LTBP1: variants seen among roughly 807,000 people sequenced by gnomAD.
LTBP1 encodes the protein latent-transforming growth factor beta-binding protein 1.
In LTBP1, 129 loss-of-function variants were observed where a neutral mutation model predicts 207.6. The ratio of observed to expected loss-of-function variants is 0.62; its 90% confidence interval spans 0.54 to 0.72. The LOEUF is 0.72. Ranked by LOEUF, LTBP1 falls within the 30% of genes least tolerant of loss-of-function variation. LTBP1 has a pLI of 0.00. For missense variants in LTBP1, 2,281 were observed against 2,217.2 expected (o/e 1.03, Z -0.58); for synonymous variants, 963 against 833.7 (o/e 1.16, Z -2.67).
chr2:33,135,733 G>A (rs1385610244), intron 5 of LTBP1, among the ~76,000 whole-genome samples: 3 of 152,184 alleles, frequency 2.0e-5, no homozygotes, highest in African/African-American at 4.8e-5. Context: ...TGTGGTCCAC[G>A]GAATGCTGTC....
chr2:33,275,706 A>T, intron 17 of LTBP1, 95 bp from the exon 18 acceptor site: 1 of 1,453,646 alleles, frequency 6.9e-7, no homozygotes, highest in Non-Finnish European at 9.6e-7. Context: ...GAAATCAGTT[A>T]CTTCGTTATT....
chr2:33,212,089 TTGTAAA>T (rs1313553400), intron 7 of LTBP1, among the ~76,000 whole-genome samples: 2 of 152,226 alleles, frequency 1.3e-5, no homozygotes, highest in African/African-American at 2.4e-5. Flanking sequence ...TAATTTTGTG[TTGTAAA>T]TGTAGTAACA....
rs1205668532 is a variant in LTBP1, at chr2:33,228,695, CCCTTT to C, written c.1876+6545_1876+6549del. On this transcript the variant is annotated intron_variant, in intron 9 of 33. Coordinates refer to ENST00000404816, the MANE Select transcript of LTBP1 (RefSeq NM_206943.4). ...GTTAATAAGCCCAACCAGGGTTATACCCTTTTTTTTTTTTTTTTTTTTTGAGATGG... is the reference window on the plus strand; with the variant it reads ...GTTAATAAGCCCAACCAGGGTTATACTTTTTTTTTTTTTTTTTTGAGATGG... 1.3e-4 allele frequency among the ~76,000 whole-genome samples: 8 copies of C among 60,696 alleles called. 2 individuals carry two copies. Among genetic ancestry groups the C allele is most frequent in the East Asian group, 6.8e-4 (2 of 2,962 alleles). The allele number at this position is 60,696 out of a possible 152,430, so 39.8% of individuals were successfully genotyped here.
chr2:33,332,156 AT>A (rs1293635159), intron 24 of LTBP1, among the ~76,000 whole-genome samples: 2 of 152,068 alleles, frequency 1.3e-5, no homozygotes, highest in African/African-American at 4.8e-5. Flanking sequence ...TGGAATATAT[AT>A]TTATACACAA....
At chr2:33,388,194 A>G (rs775482608) in intron 31 of LTBP1, among the ~76,000 whole-genome samples, 11 of 152,250 alleles carry the variant, frequency 7.2e-5, no homozygotes, top group Non-Finnish European at 1.0e-4. Context: ...AATCCTGTGC[A>G]CTGGTGGGTC....
At chr2:33,068,548 C>G (rs1324482619) in intron 3 of LTBP1, among the ~76,000 whole-genome samples, 2 of 152,146 alleles carry the variant, frequency 1.3e-5, no homozygotes, top group African/African-American at 4.8e-5. Flanking sequence ...TTACAGCATC[C>G]TACAGAGTAT....
chr2:33,353,019 C>G (rs1236297079), intron 26 of LTBP1, among the ~76,000 whole-genome samples: 1 of 134,496 alleles, frequency 7.4e-6, no homozygotes, highest in Non-Finnish European at 1.5e-5. Context: ...TGCTCCATTG[C>G]GCAGGCTGGA....
At chr2:32,955,428 G>T (rs1677919461) in intron 2 of LTBP1, among the ~76,000 whole-genome samples, 1 of 152,102 alleles carries the variant, frequency 6.6e-6, no homozygotes, top group Admixed American at 6.5e-5. Context: ...TATGTAGAGT[G>T]CCTTTTAAAA....
chr2:32,985,671 T>G (rs998954946), intron 2 of LTBP1, among the ~76,000 whole-genome samples: 1 of 152,172 alleles, frequency 6.6e-6, no homozygotes, highest in Admixed American at 6.5e-5. Flanking sequence ...AGAGATTCAT[T>G]TGTTCATTGA....
intron 7 of LTBP1, among the ~76,000 whole-genome samples, chr2:33,205,435 T>TCA (rs2089771682): frequency 6.6e-6 from 1 of 152,242 alleles, no homozygotes; most frequent in Non-Finnish European, 1.5e-5. Flanking sequence ...TAGTCTAGGT[T>TCA]GTGCTTCAGT....
chr2:33,254,947 T>G (rs1187843222), intron 11 of LTBP1, among the ~76,000 whole-genome samples: 2 of 142,644 alleles, frequency 1.4e-5, no homozygotes, highest in Non-Finnish European at 3.0e-5. Flanking sequence ...TTTATTATAC[T>G]TTAAGTTTTA....
chr2:32,947,518 G>C lies in LTBP1; in HGVS notation c.194G>C (p.Ser65Thr), dbSNP rs984669773. Residue 65 changes from serine to threonine, a missense_variant, in exon 1 of 34, where the codon AGC becomes ACC. Ser to Thr is a moderately conservative substitution (Grantham distance 58, BLOSUM62 1). Transcript: ENST00000404816. The stretch of plus-strand genomic sequence containing the variant: ...GCGCTCAACGCCAGGTACAGCCGCA[G>C]CTCGGCGGCTGCCGGCGCCCCCAGC... ...NVALNARYSR[S>T]SAAAGAPSRA... 2.8e-6 allele frequency: 4 copies of C among 1,408,606 alleles called. No homozygotes were observed. Among genetic ancestry groups the C allele is most frequent in the Non-Finnish European group, 3.7e-6 (4 of 1,083,334 alleles). The allele number at this position is 1,408,606 out of a possible 1,614,324, so 87.3% of individuals were successfully genotyped here.
At chr2:33,149,238 A>AAAAC (rs2083315320) in intron 5 of LTBP1, among the ~76,000 whole-genome samples, 1 of 144,330 alleles carries the variant, frequency 6.9e-6, no homozygotes, top group Non-Finnish European at 1.6e-5. Flanking sequence ...CAAAAAAAAA[A>AAAAC]AAAAAAAAAA....
intron 31 of LTBP1, among the ~76,000 whole-genome samples, chr2:33,374,369 C>T (rs72861446): frequency 0.021 from 3,146 of 152,124 alleles, 111 homozygotes; most frequent in African/African-American, 0.071. Flanking sequence ...GAGACCTCTT[C>T]GTGAGGTTAT....
intron 2 of LTBP1, among the ~76,000 whole-genome samples, chr2:32,982,212 A>G (rs908825856): frequency 1.3e-5 from 2 of 152,280 alleles, no homozygotes; most frequent in Non-Finnish European, 2.9e-5. Context: ...GCTGGAGCAA[A>G]GGTGATTCTT....
intron 20 of LTBP1, among the ~76,000 whole-genome samples, chr2:33,297,188 A>G (rs1015628204): frequency 6.6e-6 from 1 of 152,160 alleles, no homozygotes; most frequent in African/African-American, 2.4e-5. Context: ...TCCACTTGGC[A>G]TTTAACCTTG....
intron 4 of LTBP1, among the ~76,000 whole-genome samples, chr2:33,122,565 A>C (rs954894113): frequency 1.4e-4 from 21 of 152,190 alleles, no homozygotes; most frequent in African/African-American, 4.8e-4. Flanking sequence ...AATCTCTCTT[A>C]AGGAATTCCT....
At chr2:32,986,773 A>G (rs1683652357) in intron 2 of LTBP1, among the ~76,000 whole-genome samples, 1 of 152,202 alleles carries the variant, frequency 6.6e-6, no homozygotes. Flanking sequence ...GATTTTCTCC[A>G]TGTGACATCA....
intron 5 of LTBP1, among the ~76,000 whole-genome samples, chr2:33,162,816 G>T (rs933308194): frequency 1.3e-5 from 2 of 152,114 alleles, no homozygotes; most frequent in East Asian, 3.9e-4. Flanking sequence ...TGTAGGAAGG[G>T]TTCAGAAAAG....
Sources: gnomAD v4.1 joint callset for allele counts (sites outside exome capture counted in the v4.1 genomes callset) on GRCh38, gnomAD v4.1.1 for gene constraint, MANE v1.5 for transcripts, NCBI Gene and HGNC (gene_info 2026-07-23, HGNC 2026-07-21) for gene names.